The following STUM variants were observed in gnomAD, a reference collection of about 807,000 sequenced individuals.
The protein encoded by STUM is protein stum homolog.
In STUM, 8 loss-of-function variants were observed where a neutral mutation model predicts 15.3. The observed-to-expected ratio is 0.52, with a 90% confidence interval of 0.31 to 0.94. The LOEUF is 0.94. Ranked by LOEUF, STUM falls within the 40% of genes least tolerant of loss-of-function variation. STUM has a pLI of 0.05. For missense variants in STUM, 142 were observed against 204.9 expected, an observed-to-expected ratio of 0.69 and a Z score of 1.87; for synonymous variants, 78 against 88.7, an observed-to-expected ratio of 0.88 and a Z score of 0.68.
At chr1:226,601,871 GCT>G (rs1392313797) in intron 3 of STUM, 133 bp from the exon 4 acceptor site, 1 of 695,032 alleles carries the variant, frequency 1.4e-6, no homozygotes. Context: ...GAAAAGTTGT[GCT>G]CTGATGGTAG....
At chr1:226,598,123 C>T (rs780700633) in intron 2 of STUM, among the ~76,000 whole-genome samples, 24 of 152,178 alleles carry the variant, frequency 1.6e-4, no homozygotes, top group East Asian at 1.9e-4. Context: ...TGTCCAGGGG[C>T]GACTTTCATT....
chr1:226,593,609 C>T (rs957628945), intron 1 of STUM, among the ~76,000 whole-genome samples: 2 of 152,068 alleles, frequency 1.3e-5, no homozygotes, highest in African/African-American at 4.8e-5. Context: ...AGAGTTGCAC[C>T]CCAACCTCAT....
intron 1 of STUM, among the ~76,000 whole-genome samples, chr1:226,556,585 C>T (rs997887005): frequency 1.3e-5 from 2 of 152,098 alleles, no homozygotes; most frequent in African/African-American, 4.8e-5. Context: ...GTTCATGATG[C>T]CACAAAGCAT....
rs1009994225 is a variant in STUM at position 226,604,687 on chromosome 1, G to C, written c.*2647G>C. 2.0e-5 allele frequency: 3 copies of C among 152,268 alleles called. No individual in the cohort carries two copies. The highest frequency in any genetic ancestry group is 7.2e-5 in the African/African-American group (3 of 41,466). The allele number at this position is 152,268 out of a possible 1,614,324, so 9.4% of individuals were successfully genotyped here. A position where few individuals can be genotyped will look rare whatever the true frequency, so the allele number is the denominator to read the frequency against. Reference sequence around the variant, plus strand: ...CAGCCAGCTGAAAATTAGGGTTCTCGTGCAGGCAAGTGCATGGTTGACACA... The same window carrying C: ...CAGCCAGCTGAAAATTAGGGTTCTCCTGCAGGCAAGTGCATGGTTGACACA... On this transcript the variant is annotated 3_prime_UTR_variant, in exon 4 of 4. Transcript: ENST00000366788. The surrounding 1 kb of genome is among the most constrained non-coding windows in gnomAD (Gnocchi z 4.7).
At chr1:226,585,016 T>C (rs1667974411) in intron 1 of STUM, among the ~76,000 whole-genome samples, 1 of 152,246 alleles carries the variant, frequency 6.6e-6, no homozygotes, top group African/African-American at 2.4e-5. Context: ...CAATACACTT[T>C]CTATTTGTGT....
chr1:226,584,129 A>G (rs550487298), intron 1 of STUM, among the ~76,000 whole-genome samples: 1 of 152,320 alleles, frequency 6.6e-6, no homozygotes, highest in East Asian at 1.9e-4. Context: ...ACTCAAAACC[A>G]GGGTGACTCG....
At chr1:226,568,924 G>A (rs754756658) in intron 1 of STUM, among the ~76,000 whole-genome samples, 23 of 122,674 alleles carry the variant, frequency 1.9e-4, no homozygotes, top group Non-Finnish European at 3.8e-4. Context: ...GAGGAGGTGG[G>A]GTGGCAGACA....
chr1:226,558,873 G>C (rs1192531053), intron 1 of STUM, among the ~76,000 whole-genome samples: 2 of 152,220 alleles, frequency 1.3e-5, no homozygotes, highest in South Asian at 4.1e-4. Context: ...TCTGGGGCAG[G>C]GTAGGGTAGC....
At chr1:226,557,138 C>T (rs868212360) in intron 1 of STUM, among the ~76,000 whole-genome samples, 2 of 152,316 alleles carry the variant, frequency 1.3e-5, no homozygotes, top group East Asian at 1.9e-4. Flanking sequence ...CCATTTCCCT[C>T]GCCCACCTCA....
At chr1:226,571,233 A>AAAAAC (rs371772503) in intron 1 of STUM, among the ~76,000 whole-genome samples, 2,244 of 152,014 alleles carry the variant, frequency 0.015, 59 homozygotes, top group African/African-American at 0.05. Context: ...GGACTGTCTC[A>AAAAAC]AAAACAAAAC....
chr1:226,583,423 C>T (rs1043777042), intron 1 of STUM, among the ~76,000 whole-genome samples: 1 of 152,122 alleles, frequency 6.6e-6, no homozygotes, highest in African/African-American at 2.4e-5. Context: ...AATGAGTGCT[C>T]GGTGCATTAC....
chr1:226,596,824 T>C lies in STUM; in HGVS notation c.225T>C (p.Thr75=). ...CAGGGACATTCGTCTCGGCCTTCAC[T>C]GTGCTGTGCGGGGCCCGCACCGACC... The part of the protein sequence containing the change: ...PGLGTFVSAF[T]VLCGARTDLP... Residue 75 remains threonine, a synonymous_variant, in exon 2 of 4, where the codon ACT becomes ACC. Transcript: ENST00000366788. 24 of 1,613,736 alleles carry C rather than the reference T, an allele frequency of 1.5e-5. No individual in the cohort carries two copies. Among genetic ancestry groups the C allele is most frequent in the Non-Finnish European group, 2.0e-5 (24 of 1,179,646 alleles).
At position 226,586,961 on chromosome 1, in the gene STUM, G is replaced by A. The variant is rs1255197007; in HGVS notation, c.203-9841G>A. On this transcript the variant is annotated intron_variant, in intron 1 of 3. Coordinates refer to ENST00000366788, the MANE Select transcript of STUM (RefSeq NM_001003665.4). ...CCCCGTCTCCTCAGTTCACCCTCTA[G>A]CACTGAAGCCTAGACTCTGTCATGG... is the stretch of plus-strand genomic sequence containing the variant. Among the ~76,000 whole-genome samples, 3 of 152,164 alleles carry A rather than the reference G, an allele frequency of 2.0e-5. No homozygotes were observed. In the East Asian group the frequency reaches 5.8e-4, roughly 29 times the overall value.
chr1:226,570,761 A>C (rs1667694390), intron 1 of STUM, among the ~76,000 whole-genome samples: 2 of 152,210 alleles, frequency 1.3e-5, no homozygotes, highest in Non-Finnish European at 1.5e-5. Flanking sequence ...TTAGAGACCT[A>C]AATCCAGAGG....
intron 1 of STUM, among the ~76,000 whole-genome samples, chr1:226,563,696 G>C (rs1383828543): frequency 6.6e-6 from 1 of 152,202 alleles, no homozygotes; most frequent in Non-Finnish European, 1.5e-5. Context: ...TTTTGACTTA[G>C]CATGGAGTCC....
rs532543143 is a variant in STUM, at chr1:226,602,193, C to T, written c.*153C>T. On this transcript the variant is annotated 3_prime_UTR_variant, in exon 4 of 4. Coordinates refer to ENST00000366788, the MANE Select transcript of STUM (RefSeq NM_001003665.4). ...TTAAAAATATTATTTATTTTGAAAA[C>T]GCATCTGCTTTTCTCAGCAGGTTGT... 7.7e-5 allele frequency: 48 copies of T among 625,456 alleles called. No individual in the cohort carries two copies. The highest frequency in any genetic ancestry group is 3.7e-4 in the African/African-American group (20 of 54,416). The allele number at this position is 625,456 out of a possible 1,614,324, so 38.7% of individuals were successfully genotyped here.
intron 1 of STUM, among the ~76,000 whole-genome samples, chr1:226,577,859 G>T (rs1014271280): frequency 6.6e-6 from 1 of 152,190 alleles, no homozygotes; most frequent in African/African-American, 2.4e-5. Context: ...GCACAGAGGA[G>T]ACAGTAGGGC....
At chr1:226,589,136 G>A (rs1392482777) in intron 1 of STUM, among the ~76,000 whole-genome samples, 1 of 152,178 alleles carries the variant, frequency 6.6e-6, no homozygotes, top group Non-Finnish European at 1.5e-5. Flanking sequence ...CTCCCACTGA[G>A]TTCCAAGAGG....
Position 226,575,212 on chromosome 1 carries a change from T to C in STUM, c.203-21590T>C, listed in dbSNP as rs541071906. 3.9e-5 allele frequency among the ~76,000 whole-genome samples: 6 copies of C among 152,332 alleles called. No homozygotes were observed. In the South Asian group the frequency reaches 1.2e-3, roughly 32 times the overall value. ...CACTGCTCTGCACCTCACAGTGATT[T>C]GTGAGGACTAGATCAGGCCTATACA... is the stretch of plus-strand genomic sequence containing the variant. On this transcript the variant is annotated intron_variant, in intron 1 of 3. Coordinates refer to ENST00000366788, the MANE Select transcript of STUM (RefSeq NM_001003665.4).
Sources: gnomAD v4.1 joint callset for allele counts (sites outside exome capture counted in the v4.1 genomes callset) on GRCh38, gnomAD v4.1.1 for gene constraint, Gnocchi (gnomAD v3.1) non-coding constraint, MANE v1.5 for transcripts, NCBI Gene and HGNC (gene_info 2026-07-23, HGNC 2026-07-21) for gene names.